Variants in LGI4 observed in about 807,000 individuals in gnomAD.
LGI4 encodes the protein leucine-rich repeat LGI family member 4.
In LGI4, 36 loss-of-function variants were observed where a neutral mutation model predicts 48.3. The observed-to-expected ratio is 0.75, with a 90% CI of 0.57 to 0.98. The LOEUF (loss-of-function observed/expected upper bound fraction) is 0.98. Among genes scored for constraint, LGI4 ranks in the 50% least tolerant of loss-of-function variants. The probability of loss-of-function intolerance (pLI) is 0.00; values close to 1 mark genes in which losing one functional copy is unlikely to be tolerated. For synonymous variants in LGI4, 355 were observed against 331.6 expected, an observed-to-expected ratio of 1.07 and a Z score of -0.77; for missense variants, 701 against 732.1, an observed-to-expected ratio of 0.96 and a Z score of 0.49.
intron 8 of LGI4, 140 bp downstream of exon 8, chr19:35,126,130 G>T (rs1463038602): frequency 1.3e-5 from 12 of 927,694 alleles, no homozygotes; most frequent in Non-Finnish European, 2.0e-5. Flanking sequence ...CCTTGAGGGG[G>T]TCAGAGTCTT....
chr19:35,126,801 A>G, intron 7 of LGI4, 26 bp from the exon 8 acceptor site: 1 of 1,581,844 alleles, frequency 6.3e-7, no homozygotes. Flanking sequence ...GAGGCAGGTC[A>G]GGCCAGCCAG....
In LGI4 at chr19:35,131,838, C is replaced by T. The variant is rs1429421605; in HGVS notation, c.409G>A (p.Glu137Lys). The T allele has an allele frequency of 6.3e-7, 1 of 1,574,952 alleles. No individual in the cohort carries two copies. The highest frequency in any genetic ancestry group is 1.9e-5 in the Admixed American group (1 of 53,888). The change falls in exon 5 of 9, where the codon GAG becomes AAG. Residue 137 changes from glutamate (E) to lysine (K), a missense_variant. Glu to Lys is a moderately conservative substitution (Grantham distance 56). Coordinates refer to ENST00000310123, the MANE Select transcript of LGI4 (RefSeq NM_139284.3). ...CGGAACAGGAATCTGGGGAGGGTCT[C>T]CAGATGGTTATTGGCCAGGCTTCTG... is the stretch of plus-strand genomic sequence containing the variant. ...THLSLANNHLETLPRFLFRGL... is the reference protein window; with the variant it reads ...THLSLANNHLKTLPRFLFRGL...
Position 35,124,623 on chromosome 19 carries a change from C to A in LGI4, c.*570G>T, listed in dbSNP as rs1291388367. ...ACACCTCCCGCTGTCCCTCCCTGTG[C>A]CCCGGCGCACGCGCAAGAGGCGCAA... On this transcript the variant is annotated 3_prime_UTR_variant, in exon 9 of 9. Transcript: ENST00000310123. 7.6e-6 allele frequency: 1 copy of A among 132,116 alleles called. No individual in the cohort carries two copies. The highest frequency in any genetic ancestry group is 2.7e-5 in the African/African-American group (1 of 36,528). 8.2% of individuals were successfully genotyped at this position (132,116 alleles called of 1,614,324 possible).
Position 35,126,270 on chromosome 19 carries a change from C to A in LGI4, c.1299G>T (p.Met433Ile). ...LCLTRYIGDS[M>I]VMRWDGSMFR... is the part of the protein sequence containing the mutation. Reference sequence around the variant, plus strand: ...CCCCCGCCCCCAGGCCCAGCCTCACCATGGAGTCCCCAATGTAGCGTGTGA... The same window carrying A: ...CCCCCGCCCCCAGGCCCAGCCTCACAATGGAGTCCCCAATGTAGCGTGTGA... The change falls in exon 8 of 9, where the codon ATG becomes ATT. Residue 433 changes from methionine to isoleucine, a missense_variant and splice_region_variant. Around this residue, in one of 3 missense-constraint regions of LGI4, gnomAD observed 223 missense variants for 263.3 expected, o/e 0.85. Transcript: ENST00000310123. 6.2e-7 allele frequency: 1 copy of A among 1,611,554 alleles called. No individual in the cohort carries two copies. Among genetic ancestry groups the A allele is most frequent in the Non-Finnish European group, 8.5e-7 (1 of 1,179,396 alleles).
chr19:35,134,165 A>C, intron 1 of LGI4, 61 bp from the exon 2 acceptor site: 3 of 1,458,638 alleles, frequency 2.1e-6, no homozygotes, highest in Non-Finnish European at 2.8e-6. Flanking sequence ...GTTGCAAACC[A>C]GAACCTTCTG....
chr19:35,131,457 G>T lies in LGI4; in HGVS notation c.557C>A (p.Ala186Glu), dbSNP rs199663292. The change falls in exon 6 of 9, where the codon GCG (alanine) becomes GAG (glutamate). Residue 186 changes from alanine (A) to glutamate (E), a missense_variant. Around this residue, in one of 3 missense-constraint regions of LGI4, gnomAD observed 462 missense variants for 436.4 expected, o/e 1.06. Coordinates refer to ENST00000310123, the MANE Select transcript of LGI4 (RefSeq NM_139284.3). ...CATGTGGCTCAGGGAGGCGGGGCCCGCACAGGCGCCGGTCCCCACGCTGGC... is the reference window on the plus strand; with the variant it reads ...CATGTGGCTCAGGGAGGCGGGGCCCTCACAGGCGCCGGTCCCCACGCTGGC... ...VNASVGTGAC[A>E]GPASLSHMQL... The T allele has an allele frequency of 2.6e-5, 41 of 1,551,620 alleles. No homozygotes were observed. The highest frequency in any genetic ancestry group is 3.3e-5 in the Non-Finnish European group (38 of 1,147,154).
intron 2 of LGI4, 69 bp downstream of exon 2, chr19:35,133,964 C>T: frequency 2.8e-6 from 4 of 1,441,626 alleles, no homozygotes; most frequent in Admixed American, 2.0e-5. Flanking sequence ...TGTGAGCATA[C>T]ACTCCCACAC....
intron 8 of LGI4, 150 bp from the exon 9 acceptor site, chr19:35,125,657 G>A: frequency 1.3e-6 from 1 of 754,862 alleles, no homozygotes; most frequent in East Asian, 2.7e-5. Flanking sequence ...CCACACACAT[G>A]CAGTTGTTCT....
chr19:35,129,373 A>G (rs1441620747), intron 6 of LGI4, among the ~76,000 whole-genome samples: 1 of 151,850 alleles, frequency 6.6e-6, no homozygotes, highest in Non-Finnish European at 1.5e-5. Context: ...AGGAAGAGAG[A>G]TCAGACTGTT....
Position 35,126,740 on chromosome 19 carries a change from CCAGCA to C in LGI4, c.824_828del (p.Val275GlyfsTer43). 1 of 1,541,828 alleles carries C rather than the reference CCAGCA, an allele frequency of 6.5e-7. No homozygotes were observed. Among genetic ancestry groups the C allele is most frequent in the Admixed American group, 2.0e-5 (1 of 51,072 alleles). ...GCAGCCAGCACGAAGAGGCTCGGGC[CCAGCA>C]CCAGTGGCTTGCAGGACACCACGGA... On this transcript the variant is annotated frameshift_variant, in exon 8 of 9. Transcript: ENST00000310123. LOFTEE classifies it high-confidence loss of function.
At position 35,126,652 on chromosome 19, in the gene LGI4, G is replaced by T. The variant is rs570201912; in HGVS notation, c.917C>A (p.Thr306Lys). The T allele has an allele frequency of 2.0e-6, 3 of 1,537,584 alleles. No individual in the cohort carries two copies. The highest frequency in any genetic ancestry group is 2.4e-5 in the East Asian group (1 of 41,484). ...RPSPGLRLAP[T>K]QTLAPRRLLR... is the part of the protein sequence containing the mutation. Reference sequence around the variant, plus strand: ...CAGCCGCCGCGGGGCCAGGGTCTGCGTTGGGGCCAGGCGCAGGCCGGGACT... The same window carrying T: ...CAGCCGCCGCGGGGCCAGGGTCTGCTTTGGGGCCAGGCGCAGGCCGGGACT... The change falls in exon 8 of 9, where the codon ACG (threonine) becomes AAG (lysine). Residue 306 changes from threonine to lysine, a missense_variant. Physicochemically the swap from Thr to Lys is moderately conservative, Grantham distance 78 (BLOSUM62 -1). Transcript: ENST00000310123.
chr19:35,126,123 T>G, intron 8 of LGI4, 147 bp downstream of exon 8: 1 of 868,648 alleles, frequency 1.2e-6, no homozygotes, highest in Non-Finnish European at 1.8e-6. Flanking sequence ...CAGCCAGCCT[T>G]GAGGGGGTCA....
chr19:35,131,814 G>C lies in LGI4; in HGVS notation c.433C>G (p.Arg145Gly). ...HLETLPRFLFRGLDTLTHVDL... is the reference protein window; with the variant it reads ...HLETLPRFLFGGLDTLTHVDL... ...ACATGAGTAAGGGTGTCCAGGCCTC[G>C]GAACAGGAATCTGGGGAGGGTCTCC... Residue 145 changes from arginine (R) to glycine (G), a missense_variant, in exon 5 of 9, where the codon CGA becomes GGA. Around this residue, in one of 3 missense-constraint regions of LGI4, gnomAD observed 462 missense variants for 436.4 expected, o/e 1.06. Coordinates refer to ENST00000310123, the MANE Select transcript of LGI4 (RefSeq NM_139284.3). The C allele has an allele frequency of 3.2e-6, 5 of 1,571,112 alleles. No homozygotes were observed. Among genetic ancestry groups the C allele is most frequent in the Non-Finnish European group, 3.5e-6 (4 of 1,157,672 alleles).
rs780202848 is a variant in LGI4, at chr19:35,126,658, G to A, written c.911C>T (p.Ala304Val). 6 of 1,536,530 alleles carry A rather than the reference G, an allele frequency of 3.9e-6. 1 individual carries two copies. In the South Asian group the frequency reaches 6.0e-5, roughly 15 times the overall value. Reference protein sequence around the residue: ...WARPSPGLRLAPTQTLAPRRL... With the variant: ...WARPSPGLRLVPTQTLAPRRL... ...CCGCGGGGCCAGGGTCTGCGTTGGG[G>A]CCAGGCGCAGGCCGGGACTGGGCCG... The change falls in exon 8 of 9, where the codon GCC (alanine) becomes GTC (valine). Residue 304 changes from alanine to valine, a missense_variant. By Grantham distance (64) the Ala-to-Val change is moderately conservative. This residue lies in a region of LGI4 where 462 missense variants were observed against 436.4 expected (regional missense o/e 1.06). Coordinates refer to ENST00000310123, the MANE Select transcript of LGI4 (RefSeq NM_139284.3).
intron 3 of LGI4, among the ~76,000 whole-genome samples, chr19:35,132,730 T>C (rs949030925): frequency 6.6e-6 from 1 of 151,960 alleles, no homozygotes; most frequent in South Asian, 2.1e-4. Context: ...CAACACAATC[T>C]TCATGATCAA....
chr19:35,125,698 A>G, intron 8 of LGI4, 191 bp from the exon 9 acceptor site: 1 of 701,986 alleles, frequency 1.4e-6, no homozygotes. Context: ...CGCCCCACAC[A>G]GAAGCACTCA....
intron 1 of LGI4, 80 bp from the exon 2 acceptor site, chr19:35,134,184 G>C: frequency 7.5e-7 from 1 of 1,331,880 alleles, no homozygotes. Flanking sequence ...TGCCATCCGG[G>C]AGACCCCAGC....
intron 5 of LGI4, 57 bp downstream of exon 5, chr19:35,131,732 C>A (rs2065176610): frequency 1.4e-6 from 2 of 1,448,070 alleles, no homozygotes; most frequent in Non-Finnish European, 1.9e-6. Flanking sequence ...CACGGATGCC[C>A]CCCGCCGACA....
Position 35,126,446 on chromosome 19 carries a change from G to T in LGI4, c.1123C>A (p.Arg375=), listed in dbSNP as rs1011926246. 5.0e-6 allele frequency: 8 copies of T among 1,592,164 alleles called. No individual in the cohort carries two copies. Among genetic ancestry groups the T allele is most frequent in the Non-Finnish European group, 6.8e-6 (8 of 1,172,048 alleles). Residue 375 remains arginine (R), a synonymous_variant, in exon 8 of 9, where the codon CGG becomes AGG. Transcript: ENST00000310123. ...GCCGAGGCCAGCAGCAGGTGGGGCC[G>T]GCCGTCCAGCTCCAGGGCCTCAGCG... is the stretch of plus-strand genomic sequence containing the variant. The part of the protein sequence containing the change: ...TDAEALELDG[R]PHLLLASASQ...
Sources: allele counts gnomAD v4.1 joint callset (sites outside exome capture counted in the v4.1 genomes callset), GRCh38; gene constraint gnomAD v4.1.1; regional missense constraint gnomAD v4.1.1; transcripts MANE v1.5; gene names NCBI Gene and HGNC (gene_info 2026-07-23, HGNC 2026-07-21).